SATB2: variants seen among roughly 807,000 people sequenced by gnomAD.
SATB2 encodes SATB homeobox 2.
SATB2 carries 1 observed loss-of-function variant against 73.4 expected under a neutral mutation model. The ratio of observed to expected loss-of-function variants is 0.01; its 90% CI spans 0.00 to 0.06. The LOEUF is 0.06. Among genes scored for constraint, SATB2 ranks in the 10% least tolerant of loss-of-function variants. The probability of loss-of-function intolerance (pLI) is 1.00; values close to 1 mark genes in which losing one functional copy is unlikely to be tolerated. For missense variants in SATB2, 459 were observed against 945.8 expected, an observed-to-expected ratio of 0.49 and a Z score of 6.75; for synonymous variants, 397 against 367.0, an observed-to-expected ratio of 1.08 and a Z score of -0.93.
At chr2:199,372,925 A>G (rs1381686228) in intron 5 of SATB2, among the ~76,000 whole-genome samples, 1 of 152,236 alleles carries the variant, frequency 6.6e-6, no homozygotes, top group African/African-American at 2.4e-5. Flanking sequence ...TGTAAGATAC[A>G]CTTAGAAAAA....
intron 9 of SATB2, among the ~76,000 whole-genome samples, chr2:199,316,614 T>C (rs1034154330): frequency 4.6e-5 from 7 of 152,070 alleles, no homozygotes; most frequent in Admixed American, 4.6e-4. Context: ...ATTGAGTCTG[T>C]AATTGAGAGT....
At chr2:199,380,532 G>C (rs758444717) in intron 4 of SATB2, 45 bp from the exon 5 acceptor site, 2 of 1,603,280 alleles carry the variant, frequency 1.2e-6, no homozygotes, top group Admixed American at 1.7e-5. Context: ...CCTCAACCAG[G>C]GTCCCTGACT....
intron 10 of SATB2, among the ~76,000 whole-genome samples, chr2:199,292,882 A>T (rs1692913203): frequency 6.6e-6 from 1 of 152,192 alleles, no homozygotes. Flanking sequence ...TTATTTAGCA[A>T]ATAGAAATGG....
chr2:199,359,470 T>C (rs1257382468), intron 6 of SATB2, among the ~76,000 whole-genome samples: 3 of 152,172 alleles, frequency 2.0e-5, no homozygotes, highest in Admixed American at 6.5e-5. Flanking sequence ...ATTTGCAACA[T>C]GAACTAAACA....
At chr2:199,296,239 T>G (rs572266378) in intron 10 of SATB2, among the ~76,000 whole-genome samples, 37 of 152,292 alleles carry the variant, frequency 2.4e-4, no homozygotes, top group Non-Finnish European at 3.5e-4. Context: ...CCAGGAGCAA[T>G]GTGTTTTTGT....
In SATB2 at chr2:199,434,015, C is replaced by T. The variant is rs902552619; in HGVS notation, c.170-501G>A. Among the ~76,000 whole-genome samples the T allele has an allele frequency of 4.0e-4, 61 of 151,722 alleles. 1 individual carries two copies. Among genetic ancestry groups the T allele is most frequent in the African/African-American group, 1.4e-3 (57 of 41,356 alleles). ...GTCTGGAAATATATTTCAAAGCTTCCAGCTCCTTCCTACTAAGGTGGTATT... is the reference window on the plus strand; with the variant it reads ...GTCTGGAAATATATTTCAAAGCTTCTAGCTCCTTCCTACTAAGGTGGTATT... On this transcript the variant is annotated intron_variant, in intron 2 of 10. Transcript: ENST00000417098.
chr2:199,284,410 T>C (rs1305676935), intron 10 of SATB2, among the ~76,000 whole-genome samples: 2 of 152,174 alleles, frequency 1.3e-5, no homozygotes, highest in African/African-American at 4.8e-5. Context: ...ATTAAGAAAC[T>C]ACCACTTGTA....
chr2:199,346,533 A>G (rs1000263641), intron 7 of SATB2, among the ~76,000 whole-genome samples: 1 of 152,198 alleles, frequency 6.6e-6, no homozygotes, highest in Admixed American at 6.6e-5. Context: ...ATAGAAATAC[A>G]TTTCAATTCA....
intron 2 of SATB2, among the ~76,000 whole-genome samples, chr2:199,444,233 C>G (rs986307640): frequency 6.6e-6 from 1 of 151,992 alleles, no homozygotes; most frequent in Non-Finnish European, 1.5e-5. Context: ...TATGTTCATC[C>G]TGAATATGTT....
chr2:199,443,001 C>T (rs1691865219), intron 2 of SATB2, among the ~76,000 whole-genome samples: 1 of 147,610 alleles, frequency 6.8e-6, no homozygotes, highest in Non-Finnish European at 1.5e-5. Flanking sequence ...AGTAAAATTT[C>T]ATTCTGGAGG....
chr2:199,350,196 A>T (rs1688773839), intron 6 of SATB2, among the ~76,000 whole-genome samples: 1 of 152,332 alleles, frequency 6.6e-6, no homozygotes, highest in South Asian at 2.1e-4. Flanking sequence ...GGATATGACT[A>T]TGCAAAAGTC....
At chr2:199,438,875 A>T (rs1395940447) in intron 2 of SATB2, among the ~76,000 whole-genome samples, 4 of 152,362 alleles carry the variant, frequency 2.6e-5, no homozygotes, top group Non-Finnish European at 5.9e-5. Context: ...GAGAAGTAAC[A>T]TGCCCCAAAA....
At chr2:199,432,310 G>A (rs1056191474) in intron 3 of SATB2, among the ~76,000 whole-genome samples, 3 of 152,146 alleles carry the variant, frequency 2.0e-5, no homozygotes, top group Admixed American at 2.0e-4. Context: ...AAATTCAAGA[G>A]CTTGGGAATT....
chr2:199,374,190 C>CT (rs1689530103), intron 5 of SATB2, among the ~76,000 whole-genome samples: 1 of 152,200 alleles, frequency 6.6e-6, no homozygotes, highest in African/African-American at 2.4e-5. Flanking sequence ...CTCTGCAGCT[C>CT]AATAGCTTTA....
At chr2:199,416,635 G>T (rs1690995373) in intron 3 of SATB2, among the ~76,000 whole-genome samples, 1 of 152,158 alleles carries the variant, frequency 6.6e-6, no homozygotes. Flanking sequence ...TGAAGAAAAA[G>T]TCAATAAATC....
chr2:199,306,272 T>A (rs1035742777), intron 10 of SATB2, among the ~76,000 whole-genome samples: 2 of 152,154 alleles, frequency 1.3e-5, no homozygotes, highest in Non-Finnish European at 2.9e-5. Flanking sequence ...ATTATGACTG[T>A]AATAAACAAT....
At chr2:199,411,332 C>T (rs560281818) in intron 3 of SATB2, among the ~76,000 whole-genome samples, 81 of 152,212 alleles carry the variant, frequency 5.3e-4, no homozygotes, top group African/African-American at 1.7e-3. Context: ...CTATGCATGA[C>T]GATCCCCCTT....
rs188856101 is a variant in SATB2, at chr2:199,280,698, C to T, written c.1741-8026G>A. On this transcript the variant is annotated intron_variant, in intron 10 of 10. Transcript: ENST00000417098. The stretch of plus-strand genomic sequence containing the variant: ...AGGCTTATTAGGACGAGGAAATTCC[C>T]GCCTAATAAATTTTGGTCAGACCAG... 1.9e-3 allele frequency among the ~76,000 whole-genome samples: 286 copies of T among 152,234 alleles called. 1 individual carries two copies. The highest frequency in any genetic ancestry group is 6.3e-3 in the African/African-American group (263 of 41,532).
chr2:199,413,480 C>G (rs151000262), intron 3 of SATB2, among the ~76,000 whole-genome samples: 228 of 152,238 alleles, frequency 1.5e-3, no homozygotes, highest in African/African-American at 5.3e-3. Flanking sequence ...CCCCTCTGCT[C>G]TCTGCCTTCT....
Sources: allele counts gnomAD v4.1 joint callset (sites outside exome capture counted in the v4.1 genomes callset), GRCh38; gene constraint gnomAD v4.1.1; transcripts MANE v1.5; gene names NCBI Gene and HGNC (gene_info 2026-07-23, HGNC 2026-07-21).